UBE2R2: variants seen among roughly 807,000 people sequenced by gnomAD.
UBE2R2 encodes the protein ubiquitin-conjugating enzyme E2 R2.
In UBE2R2, 1 loss-of-function variant was observed where a neutral mutation model predicts 27.8. The ratio of observed to expected loss-of-function variants is 0.04; its 90% CI spans 0.01 to 0.17. UBE2R2 has a LOEUF of 0.17. Among genes scored for constraint, UBE2R2 ranks in the 10% least tolerant of loss-of-function variants. The pLI, the probability that UBE2R2 is intolerant of heterozygous loss-of-function variation, is 1.00. For synonymous variants in UBE2R2, 106 were observed against 113.3 expected, an observed-to-expected ratio of 0.94 and a Z score of 0.41; for missense variants, 100 against 291.0, an observed-to-expected ratio of 0.34 and a Z score of 4.78.
At chr9:33,868,033 G>A (rs1248020024) in intron 1 of UBE2R2, among the ~76,000 whole-genome samples, 4 of 152,190 alleles carry the variant, frequency 2.6e-5, no homozygotes, top group Admixed American at 2.6e-4. Flanking sequence ...TGTTTGAAAG[G>A]TGATGAATGC....
chr9:33,887,034 C>A, intron 2 of UBE2R2, 67 bp downstream of exon 2: 1 of 1,293,506 alleles, frequency 7.7e-7, no homozygotes, highest in Non-Finnish European at 1.1e-6. Flanking sequence ...TTAAAATAGC[C>A]TATCTCAGCA....
intron 1 of UBE2R2, among the ~76,000 whole-genome samples, chr9:33,879,496 C>T (rs146449682): frequency 1.2e-3 from 179 of 152,284 alleles, no homozygotes; most frequent in African/African-American, 4.1e-3. Context: ...CTCTGTCACC[C>T]AGGCTGGAGT....
At chr9:33,821,021 T>C (rs934471839) in intron 1 of UBE2R2, among the ~76,000 whole-genome samples, 1 of 151,218 alleles carries the variant, frequency 6.6e-6, no homozygotes, top group Non-Finnish European at 1.5e-5. Context: ...TATACAATCT[T>C]TTTTGGCCTT....
intron 1 of UBE2R2, among the ~76,000 whole-genome samples, chr9:33,855,492 C>G (rs915462766): frequency 6.6e-6 from 1 of 152,088 alleles, no homozygotes; most frequent in African/African-American, 2.4e-5. Flanking sequence ...TTCAGCTACT[C>G]TGTTTGGTTA....
intron 1 of UBE2R2, among the ~76,000 whole-genome samples, chr9:33,822,096 A>AT (rs57690053): frequency 0.15 from 21,226 of 144,962 alleles, 1,972 homozygotes; most frequent in Non-Finnish European, 0.21. Flanking sequence ...ATATATATAT[A>AT]TTTTTTTTTT....
chr9:33,815,578 C>T (rs1168688826), upstream of UBE2R2, among the ~76,000 whole-genome samples: 2 of 152,174 alleles, frequency 1.3e-5, no homozygotes, highest in African/African-American at 4.8e-5. Flanking sequence ...AATCCCGTCT[C>T]TACTAAAAAT....
intron 3 of UBE2R2, among the ~76,000 whole-genome samples, chr9:33,904,086 G>A (rs527712242): frequency 1.5e-4 from 23 of 152,286 alleles, no homozygotes; most frequent in Admixed American, 1.2e-3. Context: ...AACTCTGAGC[G>A]GAAGTCAGGA....
intron 1 of UBE2R2, among the ~76,000 whole-genome samples, chr9:33,878,448 C>T (rs1406017649): frequency 6.6e-6 from 1 of 151,988 alleles, no homozygotes; most frequent in South Asian, 2.1e-4. Context: ...AACCCTGTCC[C>T]TACAAAAATT....
chr9:33,887,109 G>T (rs1821877309), intron 2 of UBE2R2, 142 bp downstream of exon 2: 2 of 665,292 alleles, frequency 3.0e-6, no homozygotes, highest in Non-Finnish European at 5.0e-6. Flanking sequence ...TCAGTTAACA[G>T]TTTCTGGATT....
chr9:33,883,229 A>C lies in UBE2R2; in HGVS notation c.178-3652A>C, dbSNP rs190119562. Among the ~76,000 whole-genome samples the C allele has an allele frequency of 4.2e-3, 634 of 152,286 alleles. 4 individuals carry two copies. The highest frequency in any genetic ancestry group is 7.2e-3 in the Non-Finnish European group (492 of 68,024). ...CTATGTTTTCTTTTAAGAATTTTAT[A>C]GTTTCTCTCTTATCTTAGTCCTCCA... On this transcript the variant is annotated intron_variant, in intron 1 of 4. Coordinates refer to ENST00000263228, the MANE Select transcript of UBE2R2 (RefSeq NM_017811.4).
chr9:33,841,765 A>G (rs529112723), intron 1 of UBE2R2, among the ~76,000 whole-genome samples: 2 of 152,292 alleles, frequency 1.3e-5, no homozygotes, highest in African/African-American at 4.8e-5. Flanking sequence ...AGGATAGGGA[A>G]TAATGAACTA....
chr9:33,898,976 G>T (rs1822185750), intron 2 of UBE2R2, among the ~76,000 whole-genome samples: 2 of 152,126 alleles, frequency 1.3e-5, no homozygotes, highest in African/African-American at 4.8e-5. Flanking sequence ...AAATATAATA[G>T]CCATAGTGGG....
intron 1 of UBE2R2, among the ~76,000 whole-genome samples, chr9:33,847,191 G>A (rs921461284): frequency 6.6e-6 from 1 of 151,864 alleles, no homozygotes; most frequent in African/African-American, 2.4e-5. Flanking sequence ...CCTGCCACCC[G>A]AATTCAGGCG....
chr9:33,826,704 G>A (rs1820322912), intron 1 of UBE2R2, among the ~76,000 whole-genome samples: 2 of 151,254 alleles, frequency 1.3e-5, no homozygotes, highest in African/African-American at 4.9e-5. Flanking sequence ...GTCCCCTGCC[G>A]CCCCCTCCAA....
chr9:33,900,667 CGTT>C (rs1224556287), intron 3 of UBE2R2, among the ~76,000 whole-genome samples: 3 of 151,988 alleles, frequency 2.0e-5, no homozygotes, highest in Admixed American at 1.3e-4. Flanking sequence ...TTTTACCTGT[CGTT>C]GTTTTGCTCC....
chr9:33,848,605 CT>C (rs869271677), intron 1 of UBE2R2, among the ~76,000 whole-genome samples: 3,373 of 142,240 alleles, frequency 0.024, 84 homozygotes, highest in African/African-American at 0.067. Flanking sequence ...GCTATAAAAT[CT>C]TTTTTTTTTT....
chr9:33,915,502 A>ATCT (rs1822619670), intron 4 of UBE2R2, among the ~76,000 whole-genome samples: 1 of 152,156 alleles, frequency 6.6e-6, no homozygotes. Context: ...GAAGCCCAGA[A>ATCT]GCCTCAGGAC....
chr9:33,891,059 T>TTTTTTTTTTTGTTTG lies in UBE2R2; in HGVS notation c.264+4100_264+4101insTTGTTTGTTTTTTTT, dbSNP rs1431710939. ...TTGTTGTTGTTGTGTTTTTTTGTTT[T>TTTTTTTTTTTGTTTG]TTTTTTTTGAGATGGAGTCTTGCTC... On this transcript the variant is annotated intron_variant, in intron 2 of 4. Coordinates refer to ENST00000263228, the MANE Select transcript of UBE2R2 (RefSeq NM_017811.4). Among the ~76,000 whole-genome samples, 24 of 148,544 alleles carry TTTTTTTTTTTGTTTG rather than the reference T, an allele frequency of 1.6e-4. No individual in the cohort carries two copies. In the South Asian group the frequency reaches 4.1e-3, roughly 25 times the overall value.
chr9:33,821,515 G>A (rs1456635400), intron 1 of UBE2R2, among the ~76,000 whole-genome samples: 2 of 152,048 alleles, frequency 1.3e-5, no homozygotes, highest in East Asian at 3.9e-4. Flanking sequence ...GGGTGCTTTA[G>A]TACTGAACCT....
Sources: gnomAD v4.1 joint callset for allele counts (sites outside exome capture counted in the v4.1 genomes callset) on GRCh38, gnomAD v4.1.1 for gene constraint, MANE v1.5 for transcripts, NCBI Gene and HGNC (gene_info 2026-07-23, HGNC 2026-07-21) for gene names.